Variants in UGT1A10 observed in about 807,000 individuals in gnomAD.
The protein encoded by UGT1A10 is UDP glucuronosyltransferase family 1 member A10, also known as UDP-glucuronosyltransferase 1A10.
Under a neutral mutation model 45.8 loss-of-function variants are expected in UGT1A10, and 49 were observed. That is an observed-to-expected ratio of 1.07 (90% CI 0.85 to 1.36). The LOEUF is 1.36. Among genes scored for constraint, UGT1A10 ranks in the 40% most tolerant of loss-of-function variants. The pLI, the probability that UGT1A10 is intolerant of heterozygous loss-of-function variation, is 0.00. For synonymous variants in UGT1A10, 284 were observed against 249.7 expected, an observed-to-expected ratio of 1.14 and a Z score of -1.29; for missense variants, 745 against 668.6, an observed-to-expected ratio of 1.11 and a Z score of -1.26.
Position 233,769,206 on chromosome 2 carries a change from G to A in UGT1A10, c.1295+767G>A, listed in dbSNP as rs1699814631. 6.6e-6 allele frequency among the ~76,000 whole-genome samples: 1 copy of A among 152,206 alleles called. No homozygotes were observed. Among genetic ancestry groups the A allele is most frequent in the South Asian group, 2.1e-4 (1 of 4,832 alleles). On this transcript the variant is annotated intron_variant, in intron 4 of 4. Coordinates refer to ENST00000344644, the MANE Select transcript of UGT1A10 (RefSeq NM_019075.4). This position sits in a 1 kb window ranked among gnomAD's most constrained non-coding sequence, Gnocchi z 4.4. The stretch of plus-strand genomic sequence containing the variant: ...AATGAAGGAGCTATAAGATATCACA[G>A]ACAAAGTCTTAGAATAAGAGCAAAG...
At chr2:233,713,660 T>G (rs1362794385) in intron 1 of UGT1A10, 3 of 1,613,860 alleles carry the variant, frequency 1.9e-6, no homozygotes, top group Non-Finnish European at 2.5e-6. Context: ...TGTCCTACCT[T>G]TGCCATGCTG....
intron 1 of UGT1A10, chr2:233,693,975 G>A (rs1050252504): frequency 2.0e-5 from 32 of 1,565,898 alleles, no homozygotes; most frequent in Non-Finnish European, 2.6e-5. Flanking sequence ...CTGGAGAAAC[G>A]GTGGGGGGAA....
intron 1 of UGT1A10, among the ~76,000 whole-genome samples, chr2:233,705,147 AAAGAGAG>A (rs1559353962): frequency 1.3e-5 from 2 of 151,972 alleles, no homozygotes; most frequent in Non-Finnish European, 2.9e-5. Context: ...AAAAAAAAAA[AAAGAGAG>A]AGAGAGAGAG....
At chr2:233,725,887 G>A (rs1228393532) in intron 1 of UGT1A10, among the ~76,000 whole-genome samples, 1 of 152,022 alleles carries the variant, frequency 6.6e-6, no homozygotes, top group Non-Finnish European at 1.5e-5. Context: ...TGATTTGTAG[G>A]CAGGTGGGTG....
chr2:233,758,832 A>G (rs1444502307), intron 1 of UGT1A10, among the ~76,000 whole-genome samples: 2 of 152,162 alleles, frequency 1.3e-5, no homozygotes, highest in Non-Finnish European at 2.9e-5. Context: ...CCCCAAAAAG[A>G]GTGTAATACT....
Position 233,772,498 on chromosome 2 carries a change from A to G in UGT1A10, c.1532A>G (p.Tyr511Cys), listed in dbSNP as rs1575871592. The G allele has an allele frequency of 1.2e-6, 2 of 1,614,068 alleles. No homozygotes were observed. The highest frequency in any genetic ancestry group is 2.2e-5 in the East Asian group (1 of 44,892). ...ACCTTTAAATGTTGTGCTTATGGCT[A>G]CCGGAAATGCTTGGGGAAAAAAGGG... is the stretch of plus-strand genomic sequence containing the variant. Reference protein sequence around the residue: ...FITFKCCAYGYRKCLGKKGRV... With the variant: ...FITFKCCAYGCRKCLGKKGRV... Residue 511 changes from tyrosine (Y) to cysteine (C), a missense_variant, in exon 5 of 5, where the codon TAC (tyrosine) becomes TGC (cysteine). By Grantham distance (194) the Tyr-to-Cys change is radical (BLOSUM62 -2). Transcript: ENST00000344644.
intron 1 of UGT1A10, chr2:233,692,897 G>T (rs2075119141): frequency 5.2e-6 from 8 of 1,538,902 alleles, no homozygotes. Flanking sequence ...GGGAGAGGTA[G>T]ACAGGACCTG....
chr2:233,643,401 C>A (rs2073511701), intron 1 of UGT1A10, among the ~76,000 whole-genome samples: 1 of 151,984 alleles, frequency 6.6e-6, no homozygotes, highest in Non-Finnish European at 1.5e-5. Flanking sequence ...GGTCTTAAGT[C>A]AACTTGTGGT....
chr2:233,676,365 C>A (rs544333325), intron 1 of UGT1A10, among the ~76,000 whole-genome samples: 1 of 152,146 alleles, frequency 6.6e-6, no homozygotes, highest in Non-Finnish European at 1.5e-5. Flanking sequence ...AGGATTATAG[C>A]AAGGTTACAA....
At chr2:233,753,742 T>C (rs1695292071) in intron 1 of UGT1A10, 1 of 152,200 alleles carries the variant, frequency 6.6e-6, no homozygotes, top group African/African-American at 2.4e-5. Context: ...AGCACAGCAA[T>C]AGGACAGTTT....
At chr2:233,748,719 T>G (rs1371005675) in intron 1 of UGT1A10, among the ~76,000 whole-genome samples, 3 of 151,682 alleles carry the variant, frequency 2.0e-5, no homozygotes, top group Non-Finnish European at 4.4e-5. Context: ...GTCTGGTGCA[T>G]GATGTGGGGA....
chr2:233,766,281 G>A (rs1699102730), intron 1 of UGT1A10, among the ~76,000 whole-genome samples: 1 of 151,840 alleles, frequency 6.6e-6, no homozygotes. Context: ...GGTGGCCCGG[G>A]CTCGGTGGCC....
chr2:233,711,509 G>T (rs868625477), intron 1 of UGT1A10, among the ~76,000 whole-genome samples: 1 of 152,158 alleles, frequency 6.6e-6, no homozygotes, highest in Non-Finnish European at 1.5e-5. Flanking sequence ...CCTTTCTAGC[G>T]CTCTGTGTCC....
intron 1 of UGT1A10, among the ~76,000 whole-genome samples, chr2:233,652,295 A>G (rs187566318): frequency 1.7e-3 from 254 of 152,376 alleles, no homozygotes; most frequent in African/African-American, 6.0e-3. Context: ...TTTCAAATGT[A>G]TAGCAAGGAG....
At chr2:233,681,209 T>G (rs2074513755) in intron 1 of UGT1A10, among the ~76,000 whole-genome samples, 1 of 151,920 alleles carries the variant, frequency 6.6e-6, no homozygotes, top group Non-Finnish European at 1.5e-5. Flanking sequence ...GATGCCAATT[T>G]CTTTCTGGGC....
chr2:233,714,052 C>G (rs2076362832), intron 1 of UGT1A10, among the ~76,000 whole-genome samples: 1 of 152,078 alleles, frequency 6.6e-6, no homozygotes, highest in Non-Finnish European at 1.5e-5. Context: ...TCAATGGCCA[C>G]TGAGAGGAAG....
chr2:233,683,679 TA>T (rs2074646334), intron 1 of UGT1A10, among the ~76,000 whole-genome samples: 1 of 152,196 alleles, frequency 6.6e-6, no homozygotes, highest in African/African-American at 2.4e-5. Flanking sequence ...TATTAACCTT[TA>T]TTCCTCTGCA....
At chr2:233,766,650 A>G (rs1364133681) in intron 1 of UGT1A10, among the ~76,000 whole-genome samples, 3 of 152,158 alleles carry the variant, frequency 2.0e-5, no homozygotes, top group African/African-American at 7.2e-5. Context: ...TATCATTTAA[A>G]GGGACCACGC....
At chr2:233,725,722 A>G (rs368612917) in intron 1 of UGT1A10, among the ~76,000 whole-genome samples, 6 of 152,340 alleles carry the variant, frequency 3.9e-5, no homozygotes, top group African/African-American at 1.2e-4. Flanking sequence ...CATATGGTCA[A>G]TGTTTACAAA....
Sources: gnomAD v4.1 joint callset for allele counts (sites outside exome capture counted in the v4.1 genomes callset) on GRCh38, gnomAD v4.1.1 for gene constraint, Gnocchi (gnomAD v3.1) non-coding constraint, MANE v1.5 for transcripts, NCBI Gene and HGNC (gene_info 2026-07-23, HGNC 2026-07-21) for gene names.